Variants in SLC25A13 observed in about 807,000 individuals in gnomAD.
SLC25A13 encodes solute carrier family 25 member 13, also known as electrogenic aspartate/glutamate antiporter SLC25A13, mitochondrial.
Under a neutral mutation model 85.5 loss-of-function variants are expected in SLC25A13, and 70 were observed. That is an observed-to-expected ratio of 0.82 (90% confidence interval 0.68 to 1.00). SLC25A13 has a LOEUF of 1.00. SLC25A13 is among the 50% of genes least tolerant of loss of function. The pLI, the probability that SLC25A13 is intolerant of heterozygous loss-of-function variation, is 0.00. For missense variants in SLC25A13, 765 were observed against 819.8 expected, an observed-to-expected ratio of 0.93 and a Z score of 0.82; for synonymous variants, 259 against 288.7, an observed-to-expected ratio of 0.90 and a Z score of 1.04.
At chr7:96,180,668 A>AAAAC (rs1354817061) in intron 11 of SLC25A13, among the ~76,000 whole-genome samples, 1 of 152,244 alleles carries the variant, frequency 6.6e-6, no homozygotes, top group Non-Finnish European at 1.5e-5. Flanking sequence ...AGATTCTCCC[A>AAAAC]AAACATTTTC....
At chr7:96,149,947 C>G (rs1792964608) in intron 13 of SLC25A13, among the ~76,000 whole-genome samples, 1 of 152,116 alleles carries the variant, frequency 6.6e-6, no homozygotes, top group African/African-American at 2.4e-5. Flanking sequence ...AAAGCTCTGG[C>G]TGTGTGAAGA....
intron 6 of SLC25A13, among the ~76,000 whole-genome samples, chr7:96,192,099 A>G (rs1794876340): frequency 6.6e-6 from 1 of 152,148 alleles, no homozygotes; most frequent in Admixed American, 6.5e-5. Flanking sequence ...GGCGCCCAAG[A>G]AAAGGAGTTA....
At chr7:96,142,307 G>C (rs759865768) in intron 14 of SLC25A13, among the ~76,000 whole-genome samples, 11 of 152,072 alleles carry the variant, frequency 7.2e-5, no homozygotes, top group Admixed American at 1.3e-4. Flanking sequence ...GTGTCTTTGT[G>C]CTCATGTGTA....
chr7:96,272,645 A>G (rs1319658365), intron 3 of SLC25A13, among the ~76,000 whole-genome samples: 1 of 152,228 alleles, frequency 6.6e-6, no homozygotes, highest in East Asian at 1.9e-4. Flanking sequence ...CTTGAGGCCC[A>G]GCCCTCCCAC....
rs116950315 is a variant in SLC25A13, at chr7:96,298,698, G to A, written c.16-1747C>T. The stretch of plus-strand genomic sequence containing the variant: ...TCTGCCCGCCTCAGACTCCCAAAAC[G>A]CTGGGATTACAGGCATGAGCCACTG... On this transcript the variant is annotated intron_variant, in intron 1 of 17. Transcript: ENST00000265631. Among the ~76,000 whole-genome samples, 1,352 of 152,230 alleles carry A rather than the reference G, an allele frequency of 8.9e-3. 9 individuals are homozygous for A. Among genetic ancestry groups the A allele is most frequent in the South Asian group, 0.027 (131 of 4,826 alleles).
chr7:96,279,648 A>G (rs552997654), intron 2 of SLC25A13, among the ~76,000 whole-genome samples: 1 of 152,306 alleles, frequency 6.6e-6, no homozygotes, highest in East Asian at 1.9e-4. Flanking sequence ...GATTATTACA[A>G]TTTAAGGTGA....
chr7:96,207,890 A>G (rs1303964780), intron 5 of SLC25A13, among the ~76,000 whole-genome samples: 1 of 152,158 alleles, frequency 6.6e-6, no homozygotes, highest in Non-Finnish European at 1.5e-5. Flanking sequence ...AACCCACATA[A>G]GAAAGTGCGC....
chr7:96,227,988 C>A (rs10262388), intron 4 of SLC25A13, among the ~76,000 whole-genome samples: 1 of 151,972 alleles, frequency 6.6e-6, no homozygotes, highest in East Asian at 1.9e-4. Context: ...CCTCAGCCTC[C>A]TGAGTAGCTG....
At chr7:96,127,318 T>C (rs1791770235) in intron 15 of SLC25A13, among the ~76,000 whole-genome samples, 1 of 152,234 alleles carries the variant, frequency 6.6e-6, no homozygotes, top group African/African-American at 2.4e-5. Flanking sequence ...CTGACAAAGC[T>C]GATGTACTTT....
chr7:96,195,647 C>G (rs1159473444), intron 5 of SLC25A13, among the ~76,000 whole-genome samples: 1 of 152,154 alleles, frequency 6.6e-6, no homozygotes, highest in Admixed American at 6.6e-5. Flanking sequence ...CCCAGAGGAA[C>G]TAGTCTTAGC....
chr7:96,239,619 G>A (rs912277167), intron 3 of SLC25A13, among the ~76,000 whole-genome samples: 1 of 151,980 alleles, frequency 6.6e-6, no homozygotes, highest in Non-Finnish European at 1.5e-5. Context: ...AACAGTATTT[G>A]CCACCACACT....
intron 13 of SLC25A13, among the ~76,000 whole-genome samples, chr7:96,154,555 C>G (rs977932089): frequency 2.6e-5 from 4 of 152,148 alleles, no homozygotes; most frequent in Admixed American, 2.6e-4. Context: ...CCTCAGCCCC[C>G]CAGAGTGCTG....
intron 2 of SLC25A13, among the ~76,000 whole-genome samples, chr7:96,294,599 ACT>A (rs1459282571): frequency 2.2e-5 from 3 of 136,866 alleles, no homozygotes; most frequent in African/African-American, 7.9e-5. Flanking sequence ...ACACAGTGAG[ACT>A]CTGTCTCAGA....
chr7:96,232,494 T>C (rs569374464), intron 4 of SLC25A13, among the ~76,000 whole-genome samples: 4 of 152,076 alleles, frequency 2.6e-5, no homozygotes, highest in Middle Eastern at 6.8e-3. Flanking sequence ...TAATGGGTAC[T>C]AGGTTTAATA....
At chr7:96,197,087 T>C (rs529801908) in intron 5 of SLC25A13, among the ~76,000 whole-genome samples, 39 of 152,330 alleles carry the variant, frequency 2.6e-4, no homozygotes, top group African/African-American at 8.2e-4. Context: ...AGCCTCAGCA[T>C]TTCTACTCCC....
intron 5 of SLC25A13, among the ~76,000 whole-genome samples, chr7:96,204,658 C>T (rs1795392160): frequency 6.6e-6 from 1 of 152,210 alleles, no homozygotes; most frequent in South Asian, 2.1e-4. Flanking sequence ...ACAACAAACT[C>T]ATAGGGCAAA....
intron 14 of SLC25A13, among the ~76,000 whole-genome samples, chr7:96,135,820 C>T (rs1323489345): frequency 6.6e-6 from 1 of 151,040 alleles, no homozygotes; most frequent in Non-Finnish European, 1.5e-5. Flanking sequence ...TTTAAACATT[C>T]CTGCCATATA....
intron 4 of SLC25A13, among the ~76,000 whole-genome samples, chr7:96,215,347 G>A (rs1172561577): frequency 1.3e-5 from 2 of 151,998 alleles, no homozygotes; most frequent in African/African-American, 4.8e-5. Flanking sequence ...CACCCACCTC[G>A]GCCTCCCAAA....
At chr7:96,309,274 T>C (rs1799869744) in intron 1 of SLC25A13, among the ~76,000 whole-genome samples, 1 of 152,170 alleles carries the variant, frequency 6.6e-6, no homozygotes, top group Non-Finnish European at 1.5e-5. Flanking sequence ...GTACCTGGGC[T>C]TTTTTAATCA....
Sources: gnomAD v4.1 joint callset for allele counts (sites outside exome capture counted in the v4.1 genomes callset) on GRCh38, gnomAD v4.1.1 for gene constraint, MANE v1.5 for transcripts, NCBI Gene and HGNC (gene_info 2026-07-23, HGNC 2026-07-21) for gene names.